The following NOL4L variants were observed in gnomAD, a reference collection of about 807,000 sequenced individuals.
NOL4L encodes the protein nucleolar protein 4-like.
NOL4L carries 7 observed loss-of-function variants against 64.5 expected under a neutral mutation model. The ratio of observed to expected loss-of-function variants is 0.11; its 90% CI spans 0.06 to 0.20. The LOEUF (loss-of-function observed/expected upper bound fraction) is 0.20, where lower values mean the gene tolerates loss of function less well. Among genes scored for constraint, NOL4L ranks in the 10% least tolerant of loss-of-function variants. NOL4L has a pLI of 1.00. For missense variants in NOL4L, 680 were observed against 967.1 expected (o/e 0.70, Z 3.94); for synonymous variants, 413 against 401.0 (o/e 1.03, Z -0.36).
At chr20:32,513,401 G>C (rs2017498287) in intron 3 of NOL4L, among the ~76,000 whole-genome samples, 1 of 152,196 alleles carries the variant, frequency 6.6e-6, no homozygotes, top group African/African-American at 2.4e-5. Flanking sequence ...CTTAGAATAG[G>C]CAAATTCAAA....
At chr20:32,470,964 G>A (rs1037677343) in intron 5 of NOL4L, among the ~76,000 whole-genome samples, 4 of 152,236 alleles carry the variant, frequency 2.6e-5, no homozygotes, top group African/African-American at 9.6e-5. Context: ...AGGGCACTGT[G>A]AGTGGTGCTC....
chr20:32,480,592 C>T (rs143917137), intron 4 of NOL4L, among the ~76,000 whole-genome samples: 17 of 152,276 alleles, frequency 1.1e-4, no homozygotes, highest in East Asian at 7.7e-4. Flanking sequence ...TTCTTCCACA[C>T]GAGGCGACTC....
At chr20:32,470,743 C>T (rs1012562472) in intron 5 of NOL4L, among the ~76,000 whole-genome samples, 6 of 152,258 alleles carry the variant, frequency 3.9e-5, no homozygotes, top group African/African-American at 1.2e-4. Flanking sequence ...GGAGCTGGCC[C>T]GCATGGCCCT....
chr20:32,573,375 A>G (rs1979887115), intron 1 of NOL4L, among the ~76,000 whole-genome samples: 1 of 151,692 alleles, frequency 6.6e-6, no homozygotes, highest in Non-Finnish European at 1.5e-5. Context: ...ACTTGCTTCA[A>G]GGTCATTCAG....
At chr20:32,544,601 G>A (rs917105981) in intron 1 of NOL4L, among the ~76,000 whole-genome samples, 2 of 151,598 alleles carry the variant, frequency 1.3e-5, no homozygotes, top group African/African-American at 4.9e-5. Context: ...GGTGGGCGAG[G>A]CTGGAAGGAG....
chr20:32,446,495 G>A lies in NOL4L; in HGVS notation c.*1101C>T, dbSNP rs1019419266. 2.6e-5 allele frequency: 4 copies of A among 152,406 alleles called. No individual in the cohort carries two copies. The highest frequency in any genetic ancestry group is 5.9e-5 in the Non-Finnish European group (4 of 68,086). The allele number at this position is 152,406 out of a possible 1,614,324, so 9.4% of individuals were successfully genotyped here. Reference sequence around the variant, plus strand: ...AAGTGGCCCCTCTTGGCAGGAGTGAGTCTGAGGGGCCAGGCCTGTGCACAG... The same window carrying A: ...AAGTGGCCCCTCTTGGCAGGAGTGAATCTGAGGGGCCAGGCCTGTGCACAG... On this transcript the variant is annotated 3_prime_UTR_variant, in exon 11 of 11. Transcript: ENST00000621426.
rs34083852 is a variant in NOL4L, at chr20:32,498,766, T to TAAAA, written c.699+12577_699+12580dup. Among the ~76,000 whole-genome samples the TAAAA allele has an allele frequency of 5.8e-4, 57 of 98,590 alleles. 2 individuals are homozygous for TAAAA. The highest frequency in any genetic ancestry group is 7.0e-4 in the African/African-American group (21 of 29,924). The allele number at this position is 98,590 out of a possible 152,430, so 64.7% of individuals were successfully genotyped here. A position where few individuals can be genotyped will look rare whatever the true frequency, so the allele number is the denominator to read the frequency against. On this transcript the variant is annotated intron_variant, in intron 4 of 10. Transcript: ENST00000621426. ...CAACGGGAGTGAGACCCTGTCTCAA[T>TAAAA]AAAAAAAAAAAAAAAAAAAAAGAAA...
At position 32,447,227 on chromosome 20, in the gene NOL4L, C is replaced by T. The variant is rs1336607480; in HGVS notation, c.*369G>A. On this transcript the variant is annotated 3_prime_UTR_variant, in exon 11 of 11. Transcript: ENST00000621426. ...TTTTCTCAATAAATATGCAATTCTG[C>T]TCACCTAAGACTTGAAAGGTAATTA... The T allele has an allele frequency of 4.0e-6, 2 of 495,434 alleles. No individual in the cohort carries two copies. Among genetic ancestry groups the T allele is most frequent in the South Asian group, 1.5e-5 (1 of 64,904 alleles). 30.7% of individuals were successfully genotyped at this position (495,434 alleles called of 1,614,324 possible). A position where few individuals can be genotyped will look rare whatever the true frequency, so the allele number is the denominator to read the frequency against.
intron 4 of NOL4L, among the ~76,000 whole-genome samples, chr20:32,475,795 C>G (rs2015357048): frequency 6.6e-6 from 1 of 152,226 alleles, no homozygotes; most frequent in Non-Finnish European, 1.5e-5. Flanking sequence ...ACAGACACCT[C>G]TTTTATAGTG....
intron 4 of NOL4L, among the ~76,000 whole-genome samples, chr20:32,480,575 C>T (rs888364846): frequency 6.6e-6 from 1 of 152,180 alleles, no homozygotes; most frequent in Non-Finnish European, 1.5e-5. Context: ...CTTCCAGGCC[C>T]TGGACATTCT....
chr20:32,531,648 C>T (rs1013954422), intron 1 of NOL4L, among the ~76,000 whole-genome samples: 2 of 152,118 alleles, frequency 1.3e-5, no homozygotes, highest in South Asian at 2.1e-4. Flanking sequence ...CCACTGTGCC[C>T]GGCCTATTTT....
At chr20:32,491,982 G>A (rs1314106359) in intron 4 of NOL4L, among the ~76,000 whole-genome samples, 2 of 152,116 alleles carry the variant, frequency 1.3e-5, no homozygotes, top group South Asian at 2.1e-4. Flanking sequence ...ATGATGGCAT[G>A]CACCCGTAGT....
In NOL4L at chr20:32,445,234, C is replaced by T. The variant is rs2012278526; in HGVS notation, c.*2362G>A. The T allele has an allele frequency of 6.6e-6, 1 of 152,368 alleles. No homozygotes were observed. The highest frequency in any genetic ancestry group is 1.9e-4 in the East Asian group (1 of 5,188). 9.4% of individuals were successfully genotyped at this position (152,368 alleles called of 1,614,324 possible). A position where few individuals can be genotyped will look rare whatever the true frequency, so the allele number is the denominator to read the frequency against. ...GCTGGAGGGTGGTCAGTTCCAACAG[C>T]TTGAACTCAGAAAAACATGACTTCA... On this transcript the variant is annotated 3_prime_UTR_variant, in exon 11 of 11. Coordinates refer to ENST00000621426, the MANE Select transcript of NOL4L (RefSeq NM_001256798.2).
intron 4 of NOL4L, among the ~76,000 whole-genome samples, chr20:32,499,054 T>C (rs2016812465): frequency 6.6e-6 from 1 of 152,118 alleles, no homozygotes; most frequent in Non-Finnish European, 1.5e-5. Context: ...AATTTTTGTA[T>C]TTTTAGTAGA....
intron 10 of NOL4L, 100 bp from the exon 11 acceptor site, chr20:32,447,916 C>CA (rs2012462242): frequency 1.4e-6 from 2 of 1,421,696 alleles, no homozygotes; most frequent in Non-Finnish European, 9.3e-7. Flanking sequence ...GCCTAGTGCC[C>CA]ACTGTGAGTT....
At chr20:32,573,095 G>A (rs1430631970) in intron 1 of NOL4L, among the ~76,000 whole-genome samples, 2 of 150,920 alleles carry the variant, frequency 1.3e-5, no homozygotes, top group Non-Finnish European at 2.9e-5. Context: ...ATGGAGTGCA[G>A]TGGCACAACC....
chr20:32,475,195 G>A, intron 4 of NOL4L: 1 of 985,486 alleles, frequency 1.0e-6, no homozygotes, highest in Non-Finnish European at 1.2e-6. Flanking sequence ...GCCCCCAGCA[G>A]GCCTGGCGCC....
At chr20:32,452,634 C>T (rs2013045664) in intron 9 of NOL4L, among the ~76,000 whole-genome samples, 197 bp from the exon 10 acceptor site, 2 of 152,186 alleles carry the variant, frequency 1.3e-5, no homozygotes, top group South Asian at 4.1e-4. Context: ...TGCTCATCTC[C>T]CTGTCAGCGT....
intron 1 of NOL4L, chr20:32,561,193 GCCAACCCCACCAGCAGCCCCCTGTCA>G (rs1978995959): frequency 6.6e-6 from 1 of 152,460 alleles, no homozygotes; most frequent in South Asian, 2.1e-4. Flanking sequence ...AGAAACCGCA[GCCAACCCCACCAGCAGCCCCCTGTCA>G]CCAGGGACCA....
Sources: allele counts gnomAD v4.1 joint callset (sites outside exome capture counted in the v4.1 genomes callset), GRCh38; gene constraint gnomAD v4.1.1; transcripts MANE v1.5; gene names NCBI Gene and HGNC (gene_info 2026-07-23, HGNC 2026-07-21).